Variants in EBF4 observed in about 807,000 individuals in gnomAD.
EBF4 encodes the protein transcription factor COE4.
Under a neutral mutation model 67.1 loss-of-function variants are expected in EBF4, and 34 were observed. The ratio of observed to expected loss-of-function variants is 0.51; its 90% confidence interval spans 0.39 to 0.67. The LOEUF is 0.67. EBF4 is among the 30% of genes least tolerant of loss of function. The pLI is 0.00. For missense variants in EBF4, 837 were observed against 873.3 expected (o/e 0.96, Z 0.52); for synonymous variants, 387 against 377.7 (o/e 1.02, Z -0.29).
intron 6 of EBF4, among the ~76,000 whole-genome samples, chr20:2,713,424 A>G (rs2087568641): frequency 6.6e-6 from 1 of 152,152 alleles, no homozygotes; most frequent in Non-Finnish European, 1.5e-5. Flanking sequence ...GAAGATAAGG[A>G]TAGAGAGGGA....
Position 2,748,545 on chromosome 20 carries a change from T to G in EBF4, c.558-4T>G. 1.3e-6 allele frequency: 2 copies of G among 1,551,434 alleles called. No individual in the cohort carries two copies. Among genetic ancestry groups the G allele is most frequent in the Non-Finnish European group, 1.7e-6 (2 of 1,146,798 alleles). On this transcript the variant is annotated splice_polypyrimidine_tract_variant and splice_region_variant and intron_variant, in intron 6 of 16. Coordinates refer to ENST00000609451, the Ensembl canonical transcript of EBF4. Reference sequence around the variant, plus strand: ...CCTTGAGCCCACCGACCACACTGTTTCAGGTTCTTCCTCAAGTTCTTCCTC... The same window carrying G: ...CCTTGAGCCCACCGACCACACTGTTGCAGGTTCTTCCTCAAGTTCTTCCTC...
intron 6 of EBF4, among the ~76,000 whole-genome samples, chr20:2,723,390 G>A (rs969748678): frequency 8.6e-5 from 13 of 151,248 alleles, no homozygotes; most frequent in African/African-American, 2.4e-4. Flanking sequence ...TCGCTCTGTC[G>A]CCCAGGCTGG....
At position 2,707,937 on chromosome 20, in the gene EBF4, C is replaced by T. The variant is rs781412435; in HGVS notation, c.415-10C>T. 4.4e-6 allele frequency: 7 copies of T among 1,586,550 alleles called. No individual in the cohort carries two copies. In the South Asian group the frequency reaches 4.6e-5, roughly 10 times the overall value. On this transcript the variant is annotated splice_polypyrimidine_tract_variant and intron_variant, in intron 4 of 16. Coordinates refer to ENST00000609451, the Ensembl canonical transcript of EBF4. The surrounding 1 kb of genome is among the most constrained non-coding windows in gnomAD (Gnocchi z 4.6). ...CTTCCCCTCCAGCCTGTGCACCTCC[C>T]TCTCCCCAGGCCATCATCTATGAGG...
At chr20:2,697,758 A>G (rs1263906943) in intron 1 of EBF4, among the ~76,000 whole-genome samples, 5 of 152,196 alleles carry the variant, frequency 3.3e-5, no homozygotes, top group African/African-American at 4.8e-5. Context: ...GCCCCAGCCC[A>G]TCTTCCCCTG....
At position 2,696,868 on chromosome 20, in the gene EBF4, C is replaced by G. The variant is rs985089266; in HGVS notation, c.137+3086C>G. On this transcript the variant is annotated intron_variant, in intron 1 of 16. Coordinates refer to ENST00000609451, the Ensembl canonical transcript of EBF4. The surrounding 1 kb of genome is among the most constrained non-coding windows in gnomAD (Gnocchi z 4.7). ...AGCATCTGCTCTCCTCTGCCTGTCC[C>G]GGTCCTCCTTGCCCTGCCAGCTGGG... Among the ~76,000 whole-genome samples the G allele has an allele frequency of 6.6e-6, 1 of 152,168 alleles. No individual in the cohort carries two copies. Among genetic ancestry groups the G allele is most frequent in the East Asian group, 1.9e-4 (1 of 5,182 alleles).
intron 4 of EBF4, among the ~76,000 whole-genome samples, chr20:2,706,951 C>A (rs1002379772): frequency 4.6e-5 from 7 of 152,218 alleles, no homozygotes; most frequent in African/African-American, 1.7e-4. Context: ...GAAACTGAAA[C>A]CTGAACAGGC....
intron 7 of EBF4, among the ~76,000 whole-genome samples, chr20:2,748,961 C>T (rs1406197840): frequency 1.3e-5 from 2 of 152,212 alleles, no homozygotes; most frequent in East Asian, 3.8e-4. Context: ...CTGCACACCC[C>T]TCTCAGTGCA....
intron 6 of EBF4, among the ~76,000 whole-genome samples, chr20:2,729,874 G>C (rs1048321369): frequency 6.6e-6 from 1 of 152,226 alleles, no homozygotes; most frequent in Non-Finnish European, 1.5e-5. Context: ...GGAAGCAGGA[G>C]GAGGCAGGCA....
chr20:2,731,749 A>G (rs1221151455), intron 6 of EBF4, among the ~76,000 whole-genome samples: 1 of 152,178 alleles, frequency 6.6e-6, no homozygotes, highest in Non-Finnish European at 1.5e-5. Flanking sequence ...AAACCCCTGT[A>G]ATCTATGGTA....
intron 4 of EBF4, 104 bp downstream of exon 4, chr20:2,706,368 G>T: frequency 9.0e-6 from 12 of 1,338,112 alleles, no homozygotes; most frequent in African/African-American, 1.4e-5. Flanking sequence ...ATCTCCCTAT[G>T]CCCTCCGTCC....
chr20:2,706,456 G>T (rs1451033790), intron 4 of EBF4, among the ~76,000 whole-genome samples, 192 bp downstream of exon 4: 2 of 152,272 alleles, frequency 1.3e-5, no homozygotes, highest in East Asian at 1.9e-4. Flanking sequence ...TTCTAGAAAA[G>T]ACAATATTTG....
At chr20:2,701,140 C>A (rs1334260647) in intron 1 of EBF4, among the ~76,000 whole-genome samples, 1 of 152,226 alleles carries the variant, frequency 6.6e-6, no homozygotes, top group African/African-American at 2.4e-5. Context: ...GTAAACTAAC[C>A]AGTGCTGCTC....
rs1250625383 is a variant in EBF4, at chr20:2,696,404, A to T, written c.137+2622A>T. Among the ~76,000 whole-genome samples the T allele has an allele frequency of 6.6e-6, 1 of 152,120 alleles. No homozygotes were observed. The highest frequency in any genetic ancestry group is 1.5e-5 in the Non-Finnish European group (1 of 68,014). ...GGAGGATTGCTTGAGCCCGGGAGGC[A>T]GAGGCTTCGGTGAGCCAAGATCGCA... On this transcript the variant is annotated intron_variant, in intron 1 of 16. Coordinates refer to ENST00000609451, the Ensembl canonical transcript of EBF4. The surrounding 1 kb of genome is among the most constrained non-coding windows in gnomAD (Gnocchi z 4.7).
At chr20:2,748,709 T>G in intron 7 of EBF4, 79 bp downstream of exon 7, 1 of 1,472,276 alleles carries the variant, frequency 6.8e-7, no homozygotes, top group Non-Finnish European at 9.3e-7. Context: ...GGGAAGGCTG[T>G]GACCCTGCCA....
At chr20:2,704,609 A>G (rs2087424749) in intron 1 of EBF4, among the ~76,000 whole-genome samples, 1 of 152,216 alleles carries the variant, frequency 6.6e-6, no homozygotes, top group Non-Finnish European at 1.5e-5. Context: ...TCAAGGACTT[A>G]GGGGAAAGCC....
chr20:2,694,627 G>T (rs2087262336), intron 1 of EBF4, among the ~76,000 whole-genome samples: 1 of 152,186 alleles, frequency 6.6e-6, no homozygotes, highest in Non-Finnish European at 1.5e-5. Context: ...GATTAGGGAG[G>T]TGCCAGCTCT....
In EBF4 at chr20:2,751,923, A is replaced by G; in HGVS notation, c.1109A>G (p.Glu370Gly). Residue 370 changes from glutamate to glycine, a missense_variant and splice_region_variant, in exon 12 of 17, where the codon GAA becomes GGA. Physicochemically the swap from Glu to Gly is moderately conservative, Grantham distance 98 (BLOSUM62 -2). Coordinates refer to ENST00000609451, the Ensembl canonical transcript of EBF4. The surrounding 1 kb of genome is among the most constrained non-coding windows in gnomAD (Gnocchi z 5.2). Reference sequence around the variant, plus strand: ...CGCTGTCTCTCCCCCTGTCCCCAGGAAGTGCTGCTGAAGCGGGCGGCCGAC... The same window carrying G: ...CGCTGTCTCTCCCCCTGTCCCCAGGGAGTGCTGCTGAAGCGGGCGGCCGAC... The G allele has an allele frequency of 1.3e-6, 2 of 1,548,434 alleles. No homozygotes were observed. Among genetic ancestry groups the G allele is most frequent in the South Asian group, 1.2e-5 (1 of 84,030 alleles).
At chr20:2,723,141 C>T (rs182400274) in intron 6 of EBF4, among the ~76,000 whole-genome samples, 1 of 152,170 alleles carries the variant, frequency 6.6e-6, no homozygotes, top group Non-Finnish European at 1.5e-5. Context: ...AACTTTATAA[C>T]TTCCTTCTGA....
rs763154839 is a variant in EBF4, at chr20:2,749,525, AC to A, written c.757+12del. ...CGCCTGGACCCCTCCGAAGGTCAGG[AC>A]CCCCGGCCCAGCCCCGGCCGCCGCG... On this transcript the variant is annotated splice_region_variant and intron_variant, in intron 8 of 16. Transcript: ENST00000609451. 3.2e-6 allele frequency: 5 copies of A among 1,543,544 alleles called. No individual in the cohort carries two copies. Among genetic ancestry groups the A allele is most frequent in the Non-Finnish European group, 4.4e-6 (5 of 1,143,288 alleles).
Sources: gnomAD v4.1 joint callset for allele counts (sites outside exome capture counted in the v4.1 genomes callset) on GRCh38, gnomAD v4.1.1 for gene constraint, Gnocchi (gnomAD v3.1) non-coding constraint, MANE v1.5 for transcripts, NCBI Gene and HGNC (gene_info 2026-07-23, HGNC 2026-07-21) for gene names.